RECQL4: variants seen among roughly 807,000 people sequenced by gnomAD.
The protein encoded by RECQL4 is ATP-dependent DNA helicase Q4.
In RECQL4, 158 loss-of-function variants were observed where a neutral mutation model predicts 128.6. The observed-to-expected ratio is 1.23, with a 90% confidence interval of 1.08 to 1.40. RECQL4 has a LOEUF of 1.40. Ranked by LOEUF, RECQL4 falls within the 40% of genes most tolerant of loss-of-function variation. RECQL4 has a pLI of 0.00. For missense variants in RECQL4, 2,293 were observed against 1,649.8 expected, an observed-to-expected ratio of 1.39 and a Z score of -6.75; for synonymous variants, 996 against 678.9, an observed-to-expected ratio of 1.47 and a Z score of -7.26.
In RECQL4 at chr8:144,516,316, G is replaced by A. The variant is rs760340046; in HGVS notation, c.803C>T (p.Pro268Leu). ...GGEKRRWNEEPWESPAQVQQE... is the reference protein window; with the variant it reads ...GGEKRRWNEELWESPAQVQQE... Reference sequence around the variant, plus strand: ...CTGGACCTGTGCGGGGCTCTCCCAGGGCTCCTCGTTCCATCTCCGCTTCTC... The same window carrying A: ...CTGGACCTGTGCGGGGCTCTCCCAGAGCTCCTCGTTCCATCTCCGCTTCTC... Residue 268 changes from proline to leucine, a missense_variant, in exon 5 of 21, where the codon CCC becomes CTC. By Grantham distance (98) the Pro-to-Leu change is moderately conservative. Transcript: ENST00000617875. The A allele has an allele frequency of 1.5e-5, 24 of 1,609,920 alleles. No individual in the cohort carries two copies. In the South Asian group the frequency reaches 2.0e-4, roughly 13 times the overall value.
Position 144,512,854 on chromosome 8 carries a change from C to T in RECQL4, c.2748G>A (p.Pro916=), listed in dbSNP as rs370679924. The T allele has an allele frequency of 5.7e-5, 92 of 1,603,972 alleles. No homozygotes were observed. Among genetic ancestry groups the T allele is most frequent in the Admixed American group, 2.0e-4 (12 of 58,694 alleles). ...IQLTVQALDM[P]EEAIETLLCY... is the part of the protein sequence containing the mutation. The stretch of plus-strand genomic sequence containing the variant: ...TTACCCCAGGTTCCTCACCCTCCTC[C>T]GGCATGTCCAAAGCCTGTACGGTAA... The change falls in exon 15 of 21, where the codon CCG becomes CCA. Residue 916 remains proline (P), a synonymous_variant. Coordinates refer to ENST00000617875, the MANE Select transcript of RECQL4 (RefSeq NM_004260.4).
intron 9 of RECQL4, among the ~76,000 whole-genome samples, 155 bp from the exon 10 acceptor site, chr8:144,514,680 G>A (rs934238168): frequency 4.6e-5 from 7 of 152,188 alleles, no homozygotes; most frequent in African/African-American, 1.7e-4. Context: ...CCACCTGTGG[G>A]CCTTGGCCCA....
intron 6 of RECQL4, 109 bp downstream of exon 6, chr8:144,515,655 C>T (rs755757048): frequency 9.4e-6 from 14 of 1,485,250 alleles, no homozygotes; most frequent in Admixed American, 7.9e-5. Context: ...AGGGCCTGGA[C>T]CAGGGGTACC....
Position 144,516,253 on chromosome 8 carries a change from G to GC in RECQL4, c.865dup (p.Ala289GlyfsTer7). On this transcript the variant is annotated frameshift_variant, in exon 5 of 21. Transcript: ENST00000617875. LOFTEE classifies it high-confidence loss of function. ...GTCTTCCTCAACTGCTACAGCCCCA[G>GC]CCCCCTCCGATGGGGGTCCAGCTTG... 1 of 1,612,536 alleles carries GC rather than the reference G, an allele frequency of 6.2e-7. No homozygotes were observed. The highest frequency in any genetic ancestry group is 8.5e-7 in the Non-Finnish European group (1 of 1,179,672).
rs1417243858 is a variant in RECQL4 at position 144,512,662 on chromosome 8, C to T, written c.2865G>A (p.Gln955=). Residue 955 remains glutamine (Q), a synonymous_variant, in exon 16 of 21, where the codon CAG becomes CAA. Coordinates refer to ENST00000617875, the MANE Select transcript of RECQL4 (RefSeq NM_004260.4). ...CTTACCTGTGGGCCAGGGCCTGGAG[C>T]TGGGCAGGGCCCCCAGGGCAGTTCA... ...CRLNCPGGPA[Q]LQALAHRCPP... 6.2e-7 allele frequency: 1 copy of T among 1,612,462 alleles called. No homozygotes were observed. Among genetic ancestry groups the T allele is most frequent in the Non-Finnish European group, 8.5e-7 (1 of 1,179,818 alleles).
chr8:144,513,542 C>G (rs373050887), intron 13 of RECQL4, 29 bp downstream of exon 13: 257 of 1,610,664 alleles, frequency 1.6e-4, no homozygotes, highest in Non-Finnish European at 2.1e-4. Context: ...GGTGGGTCCA[C>G]GGGGACACCA....
In RECQL4 at chr8:144,512,024, C is replaced by T; in HGVS notation, c.3280G>A (p.Glu1094Lys). ...TCCTTGAGCCTGGTGCTGCGCTCCT[C>T]ATCCTGCTGCTCCAGGCAGGGCCCG... ...SCGPCLEQQD[E>K]ERSTRLKDLL... Residue 1094 changes from glutamate to lysine, a missense_variant, in exon 19 of 21, where the codon GAG becomes AAG. Transcript: ENST00000617875. 6.2e-7 allele frequency: 1 copy of T among 1,608,958 alleles called. No homozygotes were observed. The highest frequency in any genetic ancestry group is 8.5e-7 in the Non-Finnish European group (1 of 1,178,788).
Position 144,512,260 on chromosome 8 carries a change from C to A in RECQL4, c.3120G>T (p.Pro1040=), listed in dbSNP as rs771832340. The A allele has an allele frequency of 6.2e-7, 1 of 1,612,442 alleles. No individual in the cohort carries two copies. Among genetic ancestry groups the A allele is most frequent in the East Asian group, 2.2e-5 (1 of 44,874 alleles). The change falls in exon 18 of 21, where the codon CCG becomes CCT. Residue 1040 remains proline (P), a synonymous_variant. Transcript: ENST00000617875. Reference sequence around the variant, plus strand: ...CCTTCTCCTCAGCGGTCAAGTCCCCCGGGCTGCGAAGGTGGAAGGCCAGCT... The same window carrying A: ...CCTTCTCCTCAGCGGTCAAGTCCCCAGGGCTGCGAAGGTGGAAGGCCAGCT... ...FSELAFHLRS[P]GDLTAEEKDQ...
chr8:144,513,943 G>C lies in RECQL4; in HGVS notation c.2043C>G (p.Asp681Glu). The change falls in exon 12 of 21, where the codon GAC becomes GAG. Residue 681 changes from aspartate (D) to glutamate (E), a missense_variant. Transcript: ENST00000617875. ...ACACACCCACCTGGTCTGTGTCCCTGTCCATGGACACGGAAAGGTGCAGGT... is the reference window on the plus strand; with the variant it reads ...ACACACCCACCTGGTCTGTGTCCCTCTCCATGGACACGGAAAGGTGCAGGT... Reference protein sequence around the residue: ...PTNLHLSVSMDRDTDQALLTL... With the variant: ...PTNLHLSVSMERDTDQALLTL... 1 of 1,557,014 alleles carries C rather than the reference G, an allele frequency of 6.4e-7. No homozygotes were observed. Among genetic ancestry groups the C allele is most frequent in the South Asian group, 1.2e-5 (1 of 84,606 alleles).
In RECQL4 at chr8:144,512,780, A is replaced by G. The variant is rs2130668003; in HGVS notation, c.2756-9T>C. On this transcript the variant is annotated splice_polypyrimidine_tract_variant and intron_variant, in intron 15 of 20. Transcript: ENST00000617875. Reference sequence around the variant, plus strand: ...CAGCAAAGTCTCGATGGCTGGGGGCAGAGCAGGGCTCAGCGGACGCGGGGA... The same window carrying G: ...CAGCAAAGTCTCGATGGCTGGGGGCGGAGCAGGGCTCAGCGGACGCGGGGA... The G allele has an allele frequency of 6.2e-7, 1 of 1,611,638 alleles. No homozygotes were observed. The highest frequency in any genetic ancestry group is 8.5e-7 in the Non-Finnish European group (1 of 1,179,684).
rs774202918 is a variant in RECQL4, at chr8:144,511,690, G to A, written c.3493C>T (p.His1165Tyr). 2.5e-6 allele frequency: 4 copies of A among 1,612,336 alleles called. No homozygotes were observed. The highest frequency in any genetic ancestry group is 3.3e-5 in the Admixed American group (2 of 60,004). Residue 1165 changes from histidine to tyrosine, a missense_variant, in exon 20 of 21, where the codon CAC becomes TAC. His to Tyr is a moderately conservative substitution (Grantham distance 83). Coordinates refer to ENST00000617875, the MANE Select transcript of RECQL4 (RefSeq NM_004260.4). The part of the protein sequence containing the change: ...FSSRAVARIF[H>Y]GIGSPCYPAQ... ...GCCTCCCAGGCCTCACCGATGCCGT[G>A]GAAGATGCGGGCCACAGCCCTGCTG... is the stretch of plus-strand genomic sequence containing the variant.
chr8:144,513,296 G>T lies in RECQL4; in HGVS notation c.2385C>A (p.Phe795Leu), dbSNP rs587778644. 2.5e-6 allele frequency: 4 copies of T among 1,599,892 alleles called. No individual in the cohort carries two copies. Among genetic ancestry groups the T allele is most frequent in the Non-Finnish European group, 3.4e-6 (4 of 1,179,230 alleles). ...AVLHLGLPPS[F>L]ESYVQAVGRA... ...GGCCCACGGCCTGCACGTAGCTCTCGAAGCTTGGGGGCAGCCCCAGATGCA... is the reference window on the plus strand; with the variant it reads ...GGCCCACGGCCTGCACGTAGCTCTCTAAGCTTGGGGGCAGCCCCAGATGCA... The change falls in exon 14 of 21, where the codon TTC (phenylalanine) becomes TTA (leucine). Residue 795 changes from phenylalanine to leucine, a missense_variant. Transcript: ENST00000617875.
Position 144,516,351 on chromosome 8 carries a change from G to A in RECQL4, c.768C>T (p.Ser256=), listed in dbSNP as rs772714143. 6.2e-7 allele frequency: 1 copy of A among 1,609,838 alleles called. No individual in the cohort carries two copies. Among genetic ancestry groups the A allele is most frequent in the Non-Finnish European group, 8.5e-7 (1 of 1,179,640 alleles). The change falls in exon 5 of 21, where the codon AGC becomes AGT. Residue 256 remains serine (S), a synonymous_variant. Coordinates refer to ENST00000617875, the MANE Select transcript of RECQL4 (RefSeq NM_004260.4). ...TCCATCTCCGCTTCTCGCCTCCACT[G>A]CTGCTGGGCTGGGGGCTCCCCACAC... The part of the protein sequence containing the change: ...SIRVGSPQPS[S]SGGEKRRWNE...
chr8:144,515,974 C>T lies in RECQL4; in HGVS notation c.1131+14G>A, dbSNP rs768489339. 19 of 1,610,556 alleles carry T rather than the reference C, an allele frequency of 1.2e-5. No homozygotes were observed. Among genetic ancestry groups the T allele is most frequent in the East Asian group, 4.5e-5 (2 of 44,826 alleles). ...GGGAAAGGGAATGCCTGTCCTGGCC[C>T]GTCGCTGTCTTACCTGCTTGCGGAG... is the stretch of plus-strand genomic sequence containing the variant. On this transcript the variant is annotated intron_variant, in intron 5 of 20. Transcript: ENST00000617875.
At position 144,512,000 on chromosome 8, in the gene RECQL4, C is replaced by A. The variant is rs1422371025; in HGVS notation, c.3304G>T (p.Asp1102Tyr). 3 of 1,610,104 alleles carry A rather than the reference C, an allele frequency of 1.9e-6. No individual in the cohort carries two copies. The South Asian group carries it at 3.3e-5, about 18-fold the overall frequency. The change falls in exon 19 of 21, where the codon GAC (aspartate) becomes TAC (tyrosine). Residue 1102 changes from aspartate (D) to tyrosine (Y), a missense_variant. Asp to Tyr is a radical substitution (Grantham distance 160). Coordinates refer to ENST00000617875, the MANE Select transcript of RECQL4 (RefSeq NM_004260.4). Reference sequence around the variant, plus strand: ...TCCTCAAAGTAGCGGCCGAGCAGGTCCTTGAGCCTGGTGCTGCGCTCCTCA... The same window carrying A: ...TCCTCAAAGTAGCGGCCGAGCAGGTACTTGAGCCTGGTGCTGCGCTCCTCA... ...QDEERSTRLK[D>Y]LLGRYFEEEE...
At position 144,516,671 on chromosome 8, in the gene RECQL4, A is replaced by C. The variant is rs1389506420; in HGVS notation, c.448T>G (p.Ser150Ala). 1 of 1,596,848 alleles carries C rather than the reference A, an allele frequency of 6.3e-7. No individual in the cohort carries two copies. The highest frequency in any genetic ancestry group is 8.5e-7 in the Non-Finnish European group (1 of 1,171,462). The change falls in exon 5 of 21, where the codon TCC (serine) becomes GCC (alanine). Residue 150 changes from serine (S) to alanine (A), a missense_variant. Physicochemically the swap from Ser to Ala is moderately conservative, Grantham distance 99 (BLOSUM62 1). Transcript: ENST00000617875. ...PKPPGTGPVP[S>A]FAEKVSDEPP... ...TCATCACTGACTTTTTCTGCAAAGG[A>C]GGGGACAGGCCCTGTACCTGGGGGC... is the stretch of plus-strand genomic sequence containing the variant.
intron 6 of RECQL4, 133 bp from the exon 7 acceptor site, chr8:144,515,590 GA>G (rs1828039790): frequency 6.7e-7 from 1 of 1,497,762 alleles, no homozygotes; most frequent in African/African-American, 1.4e-5. Context: ...TTCCAAAGCA[GA>G]AAAGAGTGAC....
chr8:144,516,600 C>T lies in RECQL4; in HGVS notation c.519G>A (p.Gln173=), dbSNP rs1815058747. 6.2e-7 allele frequency: 1 copy of T among 1,610,594 alleles called. No individual in the cohort carries two copies. The highest frequency in any genetic ancestry group is 1.1e-5 in the South Asian group (1 of 90,828). Residue 173 remains glutamine (Q), a synonymous_variant, in exon 5 of 21, where the codon CAG becomes CAA. Transcript: ENST00000617875. ...GCTGGCTCAGGGATGCCTGCAGATG[C>T]TGGAGCCGGCCTGGCCTTGGCTGGG... ...PEPQPRPGRL[Q]HLQASLSQRL...
chr8:144,511,909 A>C lies in RECQL4; in HGVS notation c.3393+2T>G, dbSNP rs557284122. 5.6e-6 allele frequency: 9 copies of C among 1,610,398 alleles called. No homozygotes were observed. The African/African-American group carries it at 6.7e-5, about 12-fold the overall frequency. On this transcript the variant is annotated splice_donor_variant, in intron 19 of 20. Coordinates refer to ENST00000617875, the MANE Select transcript of RECQL4 (RefSeq NM_004260.4). LOFTEE classifies it high-confidence loss of function. ...TGAGCTGCCTGGCCTTACTGCACTCACTCTGGCCTGCCCTGGCTCGGGGCC... is the reference window on the plus strand; with the variant it reads ...TGAGCTGCCTGGCCTTACTGCACTCCCTCTGGCCTGCCCTGGCTCGGGGCC...
Sources: allele counts gnomAD v4.1 joint callset (sites outside exome capture counted in the v4.1 genomes callset), GRCh38; gene constraint gnomAD v4.1.1; transcripts MANE v1.5; gene names NCBI Gene and HGNC (gene_info 2026-07-23, HGNC 2026-07-21).